Variants in CYP7A1 observed in about 807,000 individuals in gnomAD.
CYP7A1 encodes the protein cytochrome P450 family 7 subfamily A member 1.
In CYP7A1, 28 loss-of-function variants were observed where a neutral mutation model predicts 43.8. The observed-to-expected ratio is 0.64, with a 90% CI of 0.47 to 0.88. The LOEUF (loss-of-function observed/expected upper bound fraction) is 0.88. Ranked by LOEUF, CYP7A1 falls within the 40% of genes least tolerant of loss-of-function variation. The pLI, the probability that CYP7A1 is intolerant of heterozygous loss-of-function variation, is 0.00. For synonymous variants in CYP7A1, 227 were observed against 222.5 expected (o/e 1.02, Z -0.18); for missense variants, 637 against 611.9 (o/e 1.04, Z -0.43).
At position 58,491,718 on chromosome 8, in the gene CYP7A1, A is replaced by G. The variant is rs765527179; in HGVS notation, c.1272T>C (p.Tyr424=). ...DENGKTKTTF[Y]CNGLKLKYYY... ...AATACTTTAACTTGAGTCCATTACAATAGAAGGTAGTCTTTGTCTTCCCGT... is the reference window on the plus strand; with the variant it reads ...AATACTTTAACTTGAGTCCATTACAGTAGAAGGTAGTCTTTGTCTTCCCGT... Residue 424 remains tyrosine (Y), a synonymous_variant, in exon 6 of 6, where the codon TAT becomes TAC. Transcript: ENST00000301645. The G allele has an allele frequency of 1.2e-6, 2 of 1,613,650 alleles. No individual in the cohort carries two copies. The highest frequency in any genetic ancestry group is 1.7e-6 in the Non-Finnish European group (2 of 1,179,510).
At position 58,490,335 on chromosome 8, in the gene CYP7A1, TTAAAA is replaced by T. The variant is rs1252473686; in HGVS notation, c.*1135_*1139del. On this transcript the variant is annotated 3_prime_UTR_variant, in exon 6 of 6. Transcript: ENST00000301645. ...TTGACATAGAGCTGATAACTCATAC[TTAAAA>T]TATTTTATCAAAGCATTGTTGTACA... 6.6e-6 allele frequency: 1 copy of T among 152,202 alleles called. No homozygotes were observed. The highest frequency in any genetic ancestry group is 1.5e-5 in the Non-Finnish European group (1 of 68,034). 9.4% of individuals were successfully genotyped at this position (152,202 alleles called of 1,614,324 possible).
intron 3 of CYP7A1, 130 bp from the exon 4 acceptor site, chr8:58,494,766 G>C: frequency 1.2e-6 from 1 of 820,224 alleles, no homozygotes; most frequent in East Asian, 2.6e-5. Context: ...AGGAGGGAAA[G>C]GGATATTCCT....
At position 58,498,426 on chromosome 8, in the gene CYP7A1, G is replaced by A. The variant is rs1429939198; in HGVS notation, c.124C>T (p.Leu42=). The A allele has an allele frequency of 2.5e-6, 4 of 1,614,064 alleles. No homozygotes were observed. The highest frequency in any genetic ancestry group is 3.4e-6 in the Non-Finnish European group (4 of 1,179,952). Residue 42 remains leucine, a synonymous_variant, in exon 2 of 6, where the codon CTG becomes TTG. Coordinates refer to ENST00000301645, the MANE Select transcript of CYP7A1 (RefSeq NM_000780.4). ...PPLENGLIPY[L]GCALQFGANP... is the part of the protein sequence containing the mutation. ...GCACCAAATTGCAGAGCACAGCCCAGGTATGGAATTAATCCATTCTCTAGA... is the reference window on the plus strand; with the variant it reads ...GCACCAAATTGCAGAGCACAGCCCAAGTATGGAATTAATCCATTCTCTAGA...
At position 58,496,876 on chromosome 8, in the gene CYP7A1, G is replaced by A. The variant is rs370087640; in HGVS notation, c.636C>T (p.Phe212=). 6 of 1,614,086 alleles carry A rather than the reference G, an allele frequency of 3.7e-6. No individual in the cohort carries two copies. In the African/African-American group the frequency reaches 4.0e-5, roughly 11 times the overall value. The change falls in exon 3 of 6, where the codon TTC becomes TTT. Residue 212 remains phenylalanine, a synonymous_variant. Transcript: ENST00000301645. ...ILNNLDNFKQ[F]DKVFPALVAG... ...CTACCAGGGCTGGAAAGACTTTGTC[G>A]AATTGCTTGAAGTTGTCAAGATTGT... is the stretch of plus-strand genomic sequence containing the variant.
In CYP7A1 at chr8:58,498,232, C is replaced by A; in HGVS notation, c.318G>T (p.Ala106=). ...DWKKFHFATS[A]KAFGHRSIDP... ...ATATAAATGTAAAACTGCTTACCTT[C>A]GCAGAAGTAGCAAAGTGAAATTTTT... Residue 106 remains alanine, a synonymous_variant, in exon 2 of 6, where the codon GCG becomes GCT. Transcript: ENST00000301645. 6.2e-7 allele frequency: 1 copy of A among 1,614,008 alleles called. No individual in the cohort carries two copies. The highest frequency in any genetic ancestry group is 1.1e-5 in the South Asian group (1 of 91,072).
intron 1 of CYP7A1, among the ~76,000 whole-genome samples, chr8:58,499,046 A>G (rs1031641876): frequency 2.6e-5 from 4 of 152,218 alleles, no homozygotes; most frequent in African/African-American, 9.6e-5. Flanking sequence ...GAAATTGAGT[A>G]AGATAAACAC....
intron 1 of CYP7A1, 147 bp from the exon 2 acceptor site, chr8:58,498,616 T>C (rs1383309675): frequency 1.3e-6 from 1 of 792,038 alleles, no homozygotes; most frequent in South Asian, 1.6e-5. Context: ...CCCTGCTCTT[T>C]TACTACAGTA....
At chr8:58,499,958 T>C (rs932328821) in intron 1 of CYP7A1, 61 bp downstream of exon 1, 1 of 1,354,344 alleles carries the variant, frequency 7.4e-7, no homozygotes, top group Non-Finnish European at 1.1e-6. Flanking sequence ...TGTATAAAAA[T>C]GAAGGTAAAA....
At chr8:58,497,897 G>A (rs957246120) in intron 2 of CYP7A1, among the ~76,000 whole-genome samples, 9 of 152,154 alleles carry the variant, frequency 5.9e-5, no homozygotes, top group African/African-American at 1.7e-4. Flanking sequence ...TTAGGTTTCC[G>A]TCACTTGCAT....
In CYP7A1 at chr8:58,497,060, C is replaced by T. The variant is rs777753834; in HGVS notation, c.452G>A (p.Arg151His). 2.5e-6 allele frequency: 4 copies of T among 1,604,936 alleles called. No homozygotes were observed. Among genetic ancestry groups the T allele is most frequent in the Admixed American group, 3.3e-5 (2 of 60,004 alleles). Residue 151 changes from arginine to histidine, a missense_variant, in exon 3 of 6, where the codon CGT (arginine) becomes CAT (histidine). By Grantham distance (29) the Arg-to-His change is conservative (BLOSUM62 0). Coordinates refer to ENST00000301645, the MANE Select transcript of CYP7A1 (RefSeq NM_000780.4). Reference protein sequence around the residue: ...LTESMMENLQRIMRPPVSSNS... With the variant: ...LTESMMENLQHIMRPPVSSNS... ...AGAGGAGACTGGAGGTCTCATGATA[C>T]GTTGGAGGTTTTCCATCATGCTTTC...
intron 3 of CYP7A1, among the ~76,000 whole-genome samples, chr8:58,495,120 C>A (rs1809417951): frequency 6.7e-6 from 1 of 148,506 alleles, no homozygotes; most frequent in Non-Finnish European, 1.5e-5. Context: ...GGTGACAGAG[C>A]AAGACTCTGT....
In CYP7A1 at chr8:58,492,393, T is replaced by C. The variant is rs779707560; in HGVS notation, c.1175A>G (p.Gln392Arg). The C allele has an allele frequency of 1.4e-5, 22 of 1,614,032 alleles. No homozygotes were observed. In the East Asian group the frequency reaches 1.8e-4, roughly 13 times the overall value. Residue 392 changes from glutamine (Q) to arginine (R), a missense_variant, in exon 5 of 6, where the codon CAG becomes CGG. Transcript: ENST00000301645. ...RKDDIIALYP[Q>R]LMHLDPEIYP... Reference sequence around the variant, plus strand: ...GATTTCTGGATCTAAGTGCATTAACTGTGGGTAAAGAGCTATGATGTCATC... The same window carrying C: ...GATTTCTGGATCTAAGTGCATTAACCGTGGGTAAAGAGCTATGATGTCATC...
chr8:58,491,348 T>A lies in CYP7A1; in HGVS notation c.*127A>T. On this transcript the variant is annotated 3_prime_UTR_variant, in exon 6 of 6. Coordinates refer to ENST00000301645, the MANE Select transcript of CYP7A1 (RefSeq NM_000780.4). ...GTTAAGATTCACAAGCAAGCACTGG[T>A]GAACAACATTGGACCTGGTGAATCA... is the stretch of plus-strand genomic sequence containing the variant. The A allele has an allele frequency of 1.1e-6, 1 of 888,950 alleles. No individual in the cohort carries two copies. Among genetic ancestry groups the A allele is most frequent in the South Asian group, 1.5e-5 (1 of 68,112 alleles). 55.1% of individuals were successfully genotyped at this position (888,950 alleles called of 1,614,324 possible).
intron 2 of CYP7A1, 111 bp downstream of exon 2, chr8:58,498,116 ACT>A: frequency 8.5e-7 from 1 of 1,180,384 alleles, no homozygotes; most frequent in Non-Finnish European, 1.2e-6. Flanking sequence ...CATAAGGATA[ACT>A]CTCTTCAACA....
Position 58,496,901 on chromosome 8 carries a change from T to C in CYP7A1, c.611A>G (p.Asn204Ser). ...GAATTGCTTGAAGTTGTCAAGATTG[T>C]TTAGAATATGTGCTTTCTGTGTGTC... Reference protein sequence around the residue: ...RRDTQKAHILNNLDNFKQFDK... With the variant: ...RRDTQKAHILSNLDNFKQFDK... The change falls in exon 3 of 6, where the codon AAC (asparagine) becomes AGC (serine). Residue 204 changes from asparagine (N) to serine (S), a missense_variant. Transcript: ENST00000301645. The C allele has an allele frequency of 1.9e-6, 3 of 1,614,206 alleles. No homozygotes were observed. The highest frequency in any genetic ancestry group is 2.5e-6 in the Non-Finnish European group (3 of 1,180,030).
intron 4 of CYP7A1, among the ~76,000 whole-genome samples, chr8:58,493,406 T>C (rs1469555318): frequency 6.6e-6 from 1 of 152,172 alleles, no homozygotes; most frequent in Admixed American, 6.5e-5. Flanking sequence ...CGCTGCCCGG[T>C]AAAGGCATAA....
At position 58,491,827 on chromosome 8, in the gene CYP7A1, A is replaced by C. The variant is rs1809357311; in HGVS notation, c.1216-53T>G. 2.7e-6 allele frequency: 4 copies of C among 1,470,316 alleles called. No individual in the cohort carries two copies. In the Admixed American group the frequency reaches 5.1e-5, roughly 19 times the overall value. The allele number at this position is 1,470,316 out of a possible 1,614,324, so 91.1% of individuals were successfully genotyped here. On this transcript the variant is annotated intron_variant, in intron 5 of 5. Transcript: ENST00000301645. ...CTTTAAGCTAGTTTTAAAGAAATTT[A>C]TCTCTTTCTAAACCTGGAAGCTCCA... is the stretch of plus-strand genomic sequence containing the variant.
In CYP7A1 at chr8:58,491,617, A is replaced by C; in HGVS notation, c.1373T>G (p.Leu458Trp). ...TTCAAAATAAGAAAGCATCAGAATC[A>C]AAAATTGCTTGATTTCGTGGATAGC... ...LFAIHEIKQF[L>W]ILMLSYFELE... is the part of the protein sequence containing the mutation. Residue 458 changes from leucine (L) to tryptophan (W), a missense_variant, in exon 6 of 6, where the codon TTG becomes TGG. Coordinates refer to ENST00000301645, the MANE Select transcript of CYP7A1 (RefSeq NM_000780.4). The C allele has an allele frequency of 6.2e-7, 1 of 1,614,250 alleles. No homozygotes were observed. The highest frequency in any genetic ancestry group is 8.5e-7 in the Non-Finnish European group (1 of 1,180,032).
chr8:58,496,738 G>A lies in CYP7A1; in HGVS notation c.774C>T (p.Ser258=). The change falls in exon 3 of 6, where the codon AGC becomes AGT. Residue 258 remains serine (S), a synonymous_variant. Coordinates refer to ENST00000301645, the MANE Select transcript of CYP7A1 (RefSeq NM_000780.4). ...AAGTGTCATTGAGAAACATGCGCAG[G>A]CTGATCAGTTCTGAGATGCTTTCCC... ...QKRESISELI[S]LRMFLNDTLS... is the part of the protein sequence containing the mutation. 6.2e-7 allele frequency: 1 copy of A among 1,614,172 alleles called. No homozygotes were observed. Among genetic ancestry groups the A allele is most frequent in the Non-Finnish European group, 8.5e-7 (1 of 1,180,016 alleles).
Sources: gnomAD v4.1 joint callset for allele counts (sites outside exome capture counted in the v4.1 genomes callset) on GRCh38, gnomAD v4.1.1 for gene constraint, MANE v1.5 for transcripts, NCBI Gene and HGNC (gene_info 2026-07-23, HGNC 2026-07-21) for gene names.